Variants in BBS9 observed in about 807,000 individuals in gnomAD.
BBS9 encodes Bardet-Biedl syndrome 9.
BBS9 carries 89 observed loss-of-function variants against 117.7 expected under a neutral mutation model. That is an observed-to-expected ratio of 0.76 (90% CI 0.64 to 0.90). BBS9 has a LOEUF of 0.90. Ranked by LOEUF, BBS9 falls within the 40% of genes least tolerant of loss-of-function variation. The pLI, the probability that BBS9 is intolerant of heterozygous loss-of-function variation, is 0.00. For missense variants in BBS9, 982 were observed against 1,042.2 expected (o/e 0.94, Z 0.80); for synonymous variants, 379 against 370.9 (o/e 1.02, Z -0.25).
intron 21 of BBS9, among the ~76,000 whole-genome samples, chr7:33,573,368 C>A (rs1858166756): frequency 1.3e-5 from 2 of 152,168 alleles, no homozygotes; most frequent in South Asian, 4.1e-4. Flanking sequence ...CTCTTCTATT[C>A]CCTAGACTGC....
intron 5 of BBS9, among the ~76,000 whole-genome samples, chr7:33,251,074 G>T (rs1796144176): frequency 6.6e-6 from 1 of 152,166 alleles, no homozygotes; most frequent in Non-Finnish European, 1.5e-5. Flanking sequence ...TGATCTACTT[G>T]ATTCAGGGAC....
At chr7:33,153,701 A>C (rs10271207) in intron 3 of BBS9, among the ~76,000 whole-genome samples, 76,342 of 151,448 alleles carry the variant, frequency 0.5, 19,264 homozygotes, top group East Asian at 0.67. Flanking sequence ...GAGCATTCAC[A>C]TTCTTCTAGT....
intron 19 of BBS9, among the ~76,000 whole-genome samples, chr7:33,449,808 A>T (rs1837524166): frequency 1.3e-5 from 2 of 152,236 alleles, no homozygotes; most frequent in South Asian, 4.1e-4. Context: ...GGCCAATAAC[A>T]GAGATACTCT....
At chr7:33,277,144 AATGT>A (rs2128356975) in intron 9 of BBS9, 1 of 173,132 alleles carries the variant, frequency 5.8e-6, no homozygotes, top group East Asian at 1.6e-4. Flanking sequence ...AAAGACAGCG[AATGT>A]CTAAGGGAAG....
intron 5 of BBS9, among the ~76,000 whole-genome samples, chr7:33,205,155 T>G (rs952787632): frequency 6.6e-6 from 1 of 152,206 alleles, no homozygotes; most frequent in African/African-American, 2.4e-5. Flanking sequence ...AACCTTCTTC[T>G]CTGCTTATCA....
At chr7:33,554,989 G>A (rs1264689669) in intron 21 of BBS9, among the ~76,000 whole-genome samples, 2 of 152,166 alleles carry the variant, frequency 1.3e-5, no homozygotes, top group East Asian at 1.9e-4. Flanking sequence ...AGCAAGGTGA[G>A]GGCAGGGGTG....
At chr7:33,450,435 C>G (rs530863825) in intron 19 of BBS9, among the ~76,000 whole-genome samples, 1 of 152,274 alleles carries the variant, frequency 6.6e-6, no homozygotes, top group Middle Eastern at 3.4e-3. Flanking sequence ...TGTTAGTTTT[C>G]TGAGGAAACT....
At chr7:33,217,132 T>C (rs6973114) in intron 5 of BBS9, among the ~76,000 whole-genome samples, 17,161 of 152,044 alleles carry the variant, frequency 0.11, 1,141 homozygotes, top group African/African-American at 0.18. Flanking sequence ...AAATACAACC[T>C]ATAGAAGAGC....
At chr7:33,616,432 G>T (rs1057376993) in intron 21 of BBS9, among the ~76,000 whole-genome samples, 2 of 148,328 alleles carry the variant, frequency 1.3e-5, no homozygotes, top group Non-Finnish European at 3.0e-5. Flanking sequence ...ATATACTAGG[G>T]CAACCTCTAA....
chr7:33,446,653 C>T (rs1056016996), intron 19 of BBS9, among the ~76,000 whole-genome samples: 1 of 152,152 alleles, frequency 6.6e-6, no homozygotes, highest in African/African-American at 2.4e-5. Flanking sequence ...TTAATTCTTG[C>T]CATTTTCATT....
intron 5 of BBS9, among the ~76,000 whole-genome samples, chr7:33,237,032 T>C (rs1246289962): frequency 6.6e-6 from 1 of 152,160 alleles, no homozygotes; most frequent in African/African-American, 2.4e-5. Flanking sequence ...TTATAAATCA[T>C]TGAACTTATT....
At chr7:33,578,717 T>C (rs1859366968) in intron 21 of BBS9, among the ~76,000 whole-genome samples, 1 of 152,178 alleles carries the variant, frequency 6.6e-6, no homozygotes, top group South Asian at 2.1e-4. Context: ...TTACGTTGCA[T>C]TGCCTTTTGG....
intron 4 of BBS9, among the ~76,000 whole-genome samples, chr7:33,161,510 C>T (rs1794844349): frequency 6.6e-6 from 1 of 152,172 alleles, no homozygotes; most frequent in Non-Finnish European, 1.5e-5. Flanking sequence ...TTTCTTAATC[C>T]AGTCTATCAT....
At chr7:33,466,203 A>G (rs1014392721) in intron 19 of BBS9, among the ~76,000 whole-genome samples, 1 of 152,120 alleles carries the variant, frequency 6.6e-6, no homozygotes, top group African/African-American at 2.4e-5. Flanking sequence ...CAAGCGTACA[A>G]TACAGTATTA....
chr7:33,241,215 G>A (rs934543776), intron 5 of BBS9, among the ~76,000 whole-genome samples: 25 of 151,978 alleles, frequency 1.6e-4, no homozygotes, highest in African/African-American at 5.6e-4. Flanking sequence ...TTTTTGGAGG[G>A]GAGGGCAAGG....
intron 5 of BBS9, among the ~76,000 whole-genome samples, chr7:33,243,863 C>T (rs1225941583): frequency 3.3e-5 from 5 of 152,068 alleles, no homozygotes; most frequent in African/African-American, 1.2e-4. Context: ...TTTTTACTTC[C>T]TACTTATTTG....
chr7:33,461,549 C>G (rs191152862), intron 19 of BBS9, among the ~76,000 whole-genome samples: 34 of 151,840 alleles, frequency 2.2e-4, no homozygotes, highest in African/African-American at 7.2e-4. Flanking sequence ...AGATTCCAGG[C>G]TTTTAATTTC....
chr7:33,349,611 A>G (rs772202229), intron 13 of BBS9, among the ~76,000 whole-genome samples: 2 of 152,018 alleles, frequency 1.3e-5, no homozygotes, highest in African/African-American at 4.8e-5. Flanking sequence ...TTGTATTTTT[A>G]GTAGAGACGG....
At chr7:33,555,959 A>G (rs1855223940) in intron 21 of BBS9, among the ~76,000 whole-genome samples, 1 of 152,138 alleles carries the variant, frequency 6.6e-6, no homozygotes, top group Non-Finnish European at 1.5e-5. Context: ...TCTAATTGCT[A>G]TGTACGTGTG....
Sources: allele counts gnomAD v4.1 joint callset (sites outside exome capture counted in the v4.1 genomes callset), GRCh38; gene constraint gnomAD v4.1.1; transcripts MANE v1.5; gene names NCBI Gene and HGNC (gene_info 2026-07-23, HGNC 2026-07-21).